PHACTR1: variants seen among roughly 807,000 people sequenced by gnomAD.
The protein encoded by PHACTR1 is phosphatase and actin regulator 1, also known as RPEL repeat containing 1.
A neutral mutation model predicts 69.2 loss-of-function variants in PHACTR1; 16 were observed. That is an observed-to-expected ratio of 0.23 (90% CI 0.16 to 0.35). PHACTR1 has a LOEUF of 0.35. PHACTR1 is among the 10% of genes least tolerant of loss of function. PHACTR1 has a pLI of 1.00. For synonymous variants in PHACTR1, 312 were observed against 284.5 expected (o/e 1.10, Z -0.97); for missense variants, 510 against 734.7 (o/e 0.69, Z 3.54).
chr6:13,149,385 G>C (rs894144724), intron 5 of PHACTR1, among the ~76,000 whole-genome samples: 32 of 152,102 alleles, frequency 2.1e-4, no homozygotes, highest in African/African-American at 7.5e-4. Context: ...AAAATTATTT[G>C]TGCACAGAAC....
At chr6:13,104,372 G>T (rs972834937) in intron 5 of PHACTR1, among the ~76,000 whole-genome samples, 3 of 152,200 alleles carry the variant, frequency 2.0e-5, no homozygotes, top group Non-Finnish European at 4.4e-5. Flanking sequence ...CTGTGTGTGT[G>T]TTGAGGGGTA....
chr6:12,974,908 T>A (rs184462217), intron 4 of PHACTR1, among the ~76,000 whole-genome samples: 6 of 152,310 alleles, frequency 3.9e-5, no homozygotes, highest in African/African-American at 1.4e-4. Flanking sequence ...TATTCCAATT[T>A]AAGTGTGTAG....
intron 10 of PHACTR1, among the ~76,000 whole-genome samples, chr6:13,249,457 CCCAGAAGATTACAT>C (rs1445260811): frequency 7.2e-5 from 11 of 152,002 alleles, no homozygotes; most frequent in Admixed American, 2.6e-4. Context: ...TGTTAAAGGC[CCCAGAAGATTACAT>C]TTTTCTGGTC....
intron 4 of PHACTR1, among the ~76,000 whole-genome samples, chr6:12,818,470 A>G (rs2127707421): frequency 6.6e-6 from 1 of 152,326 alleles, no homozygotes; most frequent in African/African-American, 2.4e-5. Context: ...GTACATTTCA[A>G]GTCTTGGTTT....
chr6:13,004,394 A>G (rs1047409852), intron 4 of PHACTR1, among the ~76,000 whole-genome samples: 1 of 151,882 alleles, frequency 6.6e-6, no homozygotes, highest in African/African-American at 2.4e-5. Context: ...AGCATTTTTC[A>G]TATCTTTGTT....
chr6:13,095,140 CCA>C (rs1413659762), intron 5 of PHACTR1, among the ~76,000 whole-genome samples: 2 of 152,160 alleles, frequency 1.3e-5, no homozygotes, highest in Non-Finnish European at 2.9e-5. Context: ...CTTGGAATTC[CCA>C]GTCTCCAGAA....
At chr6:12,881,782 T>C (rs1039655338) in intron 4 of PHACTR1, among the ~76,000 whole-genome samples, 2 of 152,076 alleles carry the variant, frequency 1.3e-5, no homozygotes, top group African/African-American at 4.8e-5. Context: ...ACTCAGTAAA[T>C]AGACATACAC....
intron 10 of PHACTR1, among the ~76,000 whole-genome samples, chr6:13,250,683 T>A (rs1312507939): frequency 2.0e-5 from 3 of 152,202 alleles, no homozygotes; most frequent in East Asian, 3.8e-4. Context: ...AGAAGTATGT[T>A]CCTGTTTTTG....
chr6:13,108,641 T>C (rs1816541835), intron 5 of PHACTR1, among the ~76,000 whole-genome samples: 1 of 152,120 alleles, frequency 6.6e-6, no homozygotes, highest in South Asian at 2.1e-4. Flanking sequence ...TCATGAAGGT[T>C]ATTTTATCTG....
In PHACTR1 at chr6:13,286,367, A is replaced by C. The variant is rs1212145188; in HGVS notation, c.1727+145A>C. ...AGTAGGAAGGCAGGCATGCGGTTCC[A>C]CTTTAGGTTACTGAAACGAGGAAGT... is the stretch of plus-strand genomic sequence containing the variant. On this transcript the variant is annotated intron_variant, in intron 14 of 14. Transcript: ENST00000332995. 7.6e-6 allele frequency: 5 copies of C among 653,932 alleles called. No individual in the cohort carries two copies. The Admixed American group carries it at 1.8e-4, about 23-fold the overall frequency. 40.5% of individuals were successfully genotyped at this position (653,932 alleles called of 1,614,324 possible). A position where few individuals can be genotyped will look rare whatever the true frequency, so the allele number is the denominator to read the frequency against.
intron 6 of PHACTR1, among the ~76,000 whole-genome samples, 190 bp downstream of exon 6, chr6:13,160,474 C>T (rs569879877): frequency 5.4e-4 from 82 of 152,136 alleles, no homozygotes; most frequent in Non-Finnish European, 9.4e-4. Flanking sequence ...TCATATGAGA[C>T]GAAGGAAATA....
intron 4 of PHACTR1, among the ~76,000 whole-genome samples, chr6:13,010,691 A>G (rs928947398): frequency 3.9e-5 from 6 of 152,290 alleles, no homozygotes; most frequent in Non-Finnish European, 5.9e-5. Flanking sequence ...AGGGCACCCA[A>G]CAAGTTTCAG....
chr6:13,081,291 G>C (rs1811334367), intron 5 of PHACTR1, among the ~76,000 whole-genome samples: 1 of 152,164 alleles, frequency 6.6e-6, no homozygotes, highest in Admixed American at 6.6e-5. Context: ...GGTGGGTTTA[G>C]AATAGATGGC....
intron 5 of PHACTR1, among the ~76,000 whole-genome samples, chr6:13,066,693 T>C (rs1808693962): frequency 6.6e-6 from 1 of 152,084 alleles, no homozygotes; most frequent in Non-Finnish European, 1.5e-5. Context: ...CTGTCATGCA[T>C]TTTCAGGTGG....
chr6:12,919,936 T>A (rs1311091754), intron 4 of PHACTR1, among the ~76,000 whole-genome samples: 1 of 152,194 alleles, frequency 6.6e-6, no homozygotes, highest in African/African-American at 2.4e-5. Context: ...TCACACACAT[T>A]ACTGCTTGTG....
chr6:13,142,249 T>A (rs1253513073), intron 5 of PHACTR1, among the ~76,000 whole-genome samples: 1 of 152,150 alleles, frequency 6.6e-6, no homozygotes, highest in Admixed American at 6.5e-5. Flanking sequence ...ACTACAGGCA[T>A]GCGCCACCAC....
At chr6:13,165,475 G>A (rs1471588392) in intron 6 of PHACTR1, among the ~76,000 whole-genome samples, 1 of 152,162 alleles carries the variant, frequency 6.6e-6, no homozygotes, top group African/African-American at 2.4e-5. Context: ...GAGTTGCCTC[G>A]GTATGGAGCT....
intron 3 of PHACTR1, chr6:12,749,430 T>G: frequency 1.6e-6 from 1 of 616,656 alleles, no homozygotes; most frequent in East Asian, 3.5e-5. Context: ...TAACGGATTT[T>G]CTTTCTCTCC....
intron 5 of PHACTR1, among the ~76,000 whole-genome samples, chr6:13,113,942 A>T (rs2127916624): frequency 6.6e-6 from 1 of 152,304 alleles, no homozygotes; most frequent in South Asian, 2.1e-4. Flanking sequence ...ACTGGAGAAA[A>T]AGCAATAAAA....
Sources: allele counts gnomAD v4.1 joint callset (sites outside exome capture counted in the v4.1 genomes callset), GRCh38; gene constraint gnomAD v4.1.1; transcripts MANE v1.5; gene names NCBI Gene and HGNC (gene_info 2026-07-23, HGNC 2026-07-21).